Variants in PKHD1 observed in about 807,000 individuals in gnomAD.
PKHD1 encodes fibrocystin.
A neutral mutation model predicts 412.0 loss-of-function variants in PKHD1; 291 were observed. The ratio of observed to expected loss-of-function variants is 0.71; its 90% CI spans 0.64 to 0.78. PKHD1 has a LOEUF of 0.78. Among genes scored for constraint, PKHD1 ranks in the 30% least tolerant of loss-of-function variants. The probability of loss-of-function intolerance (pLI) is 0.00; values close to 1 mark genes in which losing one functional copy is unlikely to be tolerated. For missense variants in PKHD1, 4,825 were observed against 4,950.7 expected, an observed-to-expected ratio of 0.97 and a Z score of 0.76; for synonymous variants, 1,777 against 1,821.5, an observed-to-expected ratio of 0.98 and a Z score of 0.62.
intron 35 of PKHD1, among the ~76,000 whole-genome samples, chr6:51,965,490 T>C (rs1444546315): frequency 6.6e-6 from 1 of 151,976 alleles, no homozygotes; most frequent in South Asian, 2.1e-4. Flanking sequence ...AATAACTCTT[T>C]AGGGACCAAA....
chr6:51,841,814 G>A (rs1379372623), intron 50 of PKHD1, among the ~76,000 whole-genome samples: 1 of 152,192 alleles, frequency 6.6e-6, no homozygotes, highest in Non-Finnish European at 1.5e-5. Flanking sequence ...AGTCTTCTAG[G>A]CCAGCTGAAG....
chr6:51,810,397 C>A (rs1764518417), intron 52 of PKHD1, among the ~76,000 whole-genome samples: 1 of 152,194 alleles, frequency 6.6e-6, no homozygotes, highest in African/African-American at 2.4e-5. Flanking sequence ...GAAATGCCTT[C>A]AAAAATCTTG....
chr6:51,819,811 G>T (rs907536130), intron 52 of PKHD1, among the ~76,000 whole-genome samples: 1 of 152,108 alleles, frequency 6.6e-6, no homozygotes, highest in Non-Finnish European at 1.5e-5. Context: ...TTTGCGAGGG[G>T]TTTTAATCTC....
chr6:51,653,395 G>A (rs926194776), intron 61 of PKHD1, among the ~76,000 whole-genome samples: 1 of 151,990 alleles, frequency 6.6e-6, no homozygotes, highest in African/African-American at 2.4e-5. Context: ...TTCCAAGCCT[G>A]GCATGTTGTA....
At chr6:51,772,584 C>T in intron 55 of PKHD1, 118 bp downstream of exon 55, 3 of 562,332 alleles carry the variant, frequency 5.3e-6, no homozygotes, top group South Asian at 2.9e-5. Flanking sequence ...TTTCTACTTG[C>T]TCATCCTTTA....
intron 60 of PKHD1, among the ~76,000 whole-genome samples, chr6:51,674,279 C>A (rs116598643): frequency 0.019 from 2,915 of 152,172 alleles, 114 homozygotes; most frequent in African/African-American, 0.067. Context: ...TGTTAAGAAA[C>A]CCACAGACTA....
intron 43 of PKHD1, 115 bp downstream of exon 43, chr6:51,903,482 T>A (rs1034583502): frequency 1.2e-6 from 1 of 846,642 alleles, no homozygotes; most frequent in Non-Finnish European, 2.0e-6. Flanking sequence ...ATTCTTCCAA[T>A]GGCAATTATT....
chr6:51,835,385 G>A (rs1280827971), intron 51 of PKHD1, among the ~76,000 whole-genome samples: 1 of 152,152 alleles, frequency 6.6e-6, no homozygotes, highest in African/African-American at 2.4e-5. Flanking sequence ...TCAAAGAAGA[G>A]AAAACTATCC....
chr6:51,775,503 T>C (rs559133948), intron 54 of PKHD1, among the ~76,000 whole-genome samples: 1 of 151,962 alleles, frequency 6.6e-6, no homozygotes, highest in Non-Finnish European at 1.5e-5. Context: ...GTATTTATAG[T>C]TGATAATATT....
At chr6:51,652,486 T>A (rs369202097) in intron 61 of PKHD1, among the ~76,000 whole-genome samples, 3 of 152,180 alleles carry the variant, frequency 2.0e-5, no homozygotes, top group South Asian at 4.2e-4. Context: ...TCAAAGCTAC[T>A]AAGCCGAGTT....
intron 35 of PKHD1, among the ~76,000 whole-genome samples, chr6:51,983,722 T>C (rs1265847809): frequency 6.6e-6 from 1 of 152,256 alleles, no homozygotes; most frequent in Non-Finnish European, 1.5e-5. Flanking sequence ...CCTTACAAGC[T>C]GTCTTTGGCT....
At chr6:51,999,363 TTG>T (rs892941388) in intron 35 of PKHD1, among the ~76,000 whole-genome samples, 4 of 152,186 alleles carry the variant, frequency 2.6e-5, no homozygotes, top group African/African-American at 9.7e-5. Flanking sequence ...GTTTTTGTTT[TTG>T]TTTTTTTTCT....
intron 55 of PKHD1, among the ~76,000 whole-genome samples, chr6:51,766,398 CA>C (rs1789013775): frequency 1.3e-5 from 2 of 152,024 alleles, no homozygotes; most frequent in Admixed American, 1.3e-4. Context: ...GATTAATTCC[CA>C]TGTGAATGTG....
chr6:51,666,385 A>C (rs979316633), intron 60 of PKHD1, among the ~76,000 whole-genome samples: 3 of 152,156 alleles, frequency 2.0e-5, no homozygotes, highest in Non-Finnish European at 4.4e-5. Context: ...TTCATATAAC[A>C]ACAATGTTGT....
chr6:51,892,927 A>G (rs537099886), intron 43 of PKHD1, among the ~76,000 whole-genome samples: 1 of 152,326 alleles, frequency 6.6e-6, no homozygotes, highest in Admixed American at 6.5e-5. Flanking sequence ...TTGTAAATAT[A>G]CAAAGAAATA....
At chr6:51,844,215 G>A (rs1770744769) in intron 50 of PKHD1, among the ~76,000 whole-genome samples, 1 of 152,134 alleles carries the variant, frequency 6.6e-6, no homozygotes, top group African/African-American at 2.4e-5. Context: ...TAACCTTGCT[G>A]TGTAAACAAA....
chr6:52,064,595 G>C (rs1809215364), intron 13 of PKHD1, among the ~76,000 whole-genome samples: 2 of 152,150 alleles, frequency 1.3e-5, no homozygotes, highest in African/African-American at 4.8e-5. Flanking sequence ...TAACGCTCCT[G>C]TCTTCTTAGC....
At chr6:51,922,259 C>G (rs1784822789) in intron 37 of PKHD1, among the ~76,000 whole-genome samples, 1 of 152,236 alleles carries the variant, frequency 6.6e-6, no homozygotes, top group Non-Finnish European at 1.5e-5. Context: ...CCAGCAGAGG[C>G]TGAAGAACAG....
chr6:51,991,638 A>T (rs1333700105), intron 35 of PKHD1, among the ~76,000 whole-genome samples: 1 of 152,236 alleles, frequency 6.6e-6, no homozygotes, highest in Non-Finnish European at 1.5e-5. Flanking sequence ...CATTGCCTTA[A>T]ATAGGCTAAT....
Sources: allele counts gnomAD v4.1 joint callset (sites outside exome capture counted in the v4.1 genomes callset), GRCh38; gene constraint gnomAD v4.1.1; transcripts MANE v1.5; gene names NCBI Gene and HGNC (gene_info 2026-07-23, HGNC 2026-07-21).